Variants in RGS6 observed in about 807,000 individuals in gnomAD.
RGS6 encodes regulator of G-protein signaling 6.
RGS6 carries 30 observed loss-of-function variants against 78.5 expected under a neutral mutation model. The ratio of observed to expected loss-of-function variants is 0.38; its 90% CI spans 0.29 to 0.52. The LOEUF (loss-of-function observed/expected upper bound fraction) is 0.52, where lower values mean the gene tolerates loss of function less well. Ranked by LOEUF, RGS6 falls within the 20% of genes least tolerant of loss-of-function variation. The pLI, the probability that RGS6 is intolerant of heterozygous loss-of-function variation, is 0.85. For missense variants in RGS6, 495 were observed against 609.7 expected (o/e 0.81, Z 1.98); for synonymous variants, 206 against 206.0 (o/e 1.00, Z 0.00).
At chr14:72,561,520 G>A (rs554617049) in intron 17 of RGS6, among the ~76,000 whole-genome samples, 5 of 152,208 alleles carry the variant, frequency 3.3e-5, no homozygotes, top group African/African-American at 9.6e-5. Flanking sequence ...TAAGCAAAGC[G>A]ACGGAGCCTC....
At chr14:72,272,024 C>A (rs2060027235) in intron 2 of RGS6, among the ~76,000 whole-genome samples, 1 of 151,986 alleles carries the variant, frequency 6.6e-6, no homozygotes, top group South Asian at 2.1e-4. Context: ...TAAGAACAGC[C>A]AATTGACAAC....
intron 3 of RGS6, among the ~76,000 whole-genome samples, chr14:72,451,237 T>G (rs2095485768): frequency 6.6e-6 from 1 of 152,152 alleles, no homozygotes; most frequent in African/African-American, 2.4e-5. Flanking sequence ...AGTCTCCAGA[T>G]GAGACAGCAG....
rs1311209064 is a variant in RGS6, at chr14:72,472,863, C to T, written c.537-9C>T. The T allele has an allele frequency of 1.9e-6, 3 of 1,595,610 alleles. No individual in the cohort carries two copies. The highest frequency in any genetic ancestry group is 2.6e-6 in the Non-Finnish European group (3 of 1,167,430). On this transcript the variant is annotated splice_polypyrimidine_tract_variant and intron_variant, in intron 8 of 17. Coordinates refer to ENST00000553525, the MANE Select transcript of RGS6 (RefSeq NM_001204424.2). ...GCTTCTTATTTCCTTCCTCTCTTTA[C>T]TCTTTCAGGATTGACCGGAAAAAAG...
intron 10 of RGS6, among the ~76,000 whole-genome samples, 171 bp downstream of exon 10, chr14:72,474,870 G>C (rs1375909115): frequency 6.6e-6 from 1 of 152,212 alleles, no homozygotes; most frequent in Non-Finnish European, 1.5e-5. Context: ...CGCTGTGCTC[G>C]TGCTAGGATA....
At chr14:72,248,449 A>G (rs922064814) in intron 2 of RGS6, among the ~76,000 whole-genome samples, 3 of 152,226 alleles carry the variant, frequency 2.0e-5, no homozygotes, top group Non-Finnish European at 4.4e-5. Context: ...ATTCATAAAC[A>G]CATATTTTTT....
intron 17 of RGS6, among the ~76,000 whole-genome samples, chr14:72,556,417 C>G (rs1425286381): frequency 6.6e-6 from 1 of 152,156 alleles, no homozygotes; most frequent in Non-Finnish European, 1.5e-5. Flanking sequence ...CCACTAGTTC[C>G]CGCTCTCAAC....
Position 72,390,632 on chromosome 14 carries a change from G to GAAATGTTTAGAGGAA in RGS6, c.184+38451_184+38452insAAAAATGTTTAGAGG, listed in dbSNP as rs2089714946. 1.3e-5 allele frequency among the ~76,000 whole-genome samples: 2 copies of GAAATGTTTAGAGGAA among 152,126 alleles called. 1 individual carries two copies. The highest frequency in any genetic ancestry group is 4.2e-4 in the South Asian group (2 of 4,816). ...TCCTCAGATTAAAATATTTATGTGG[G>GAAATGTTTAGAGGAA]AAATGTTTAGAGGTAAAATGTTTAG... On this transcript the variant is annotated intron_variant, in intron 3 of 17. Coordinates refer to ENST00000553525, the MANE Select transcript of RGS6 (RefSeq NM_001204424.2).
intron 2 of RGS6, among the ~76,000 whole-genome samples, chr14:72,059,788 A>G (rs2093801475): frequency 6.6e-6 from 1 of 152,158 alleles, no homozygotes. Context: ...AGAAAAGGTC[A>G]TGTAAGGACT....
At chr14:72,028,396 T>G (rs1479041563) in intron 2 of RGS6, among the ~76,000 whole-genome samples, 1 of 152,216 alleles carries the variant, frequency 6.6e-6, no homozygotes, top group Non-Finnish European at 1.5e-5. Flanking sequence ...CTCAAGGTAT[T>G]CTTTCATCCT....
chr14:72,499,657 T>C (rs1004946518), intron 13 of RGS6, among the ~76,000 whole-genome samples: 1 of 152,128 alleles, frequency 6.6e-6, no homozygotes, highest in Non-Finnish European at 1.5e-5. Context: ...TTTTTGGGGT[T>C]TTTTTGTTGT....
intron 12 of RGS6, among the ~76,000 whole-genome samples, chr14:72,490,152 A>G (rs985243292): frequency 6.6e-6 from 1 of 152,134 alleles, no homozygotes; most frequent in Non-Finnish European, 1.5e-5. Context: ...GTGAGAGGTA[A>G]TTGAATCATG....
At chr14:71,893,001 T>C in the RGS6 span, among the ~76,000 whole-genome samples, 1 of 152,274 alleles carries the variant, frequency 6.6e-6, no homozygotes, top group Non-Finnish European at 1.5e-5. Context: ...TCTGTTTTAG[T>C]CTCTGTAATT....
chr14:72,626,023 C>G, the RGS6 span, among the ~76,000 whole-genome samples: 1 of 152,326 alleles, frequency 6.6e-6, no homozygotes, highest in South Asian at 2.1e-4. Context: ...AGTCAAAATA[C>G]TGTTTTCCAA....
At position 72,562,989 on chromosome 14, in the gene RGS6, C is replaced by G. The variant is rs561258128; in HGVS notation, c.*522C>G. 1 of 583,268 alleles carries G rather than the reference C, an allele frequency of 1.7e-6. No homozygotes were observed. The highest frequency in any genetic ancestry group is 3.1e-6 in the Non-Finnish European group (1 of 325,300). The allele number at this position is 583,268 out of a possible 1,614,324, so 36.1% of individuals were successfully genotyped here. ...CATCCCTCACGTCTCTGTGGCCACC[C>G]GGGTGTCACTGCCAGCACCAGGCAC... On this transcript the variant is annotated 3_prime_UTR_variant, in exon 18 of 18. Coordinates refer to ENST00000553525, the MANE Select transcript of RGS6 (RefSeq NM_001204424.2).
chr14:72,143,750 G>T lies in RGS6; in HGVS notation c.84+178875G>T, dbSNP rs190393521. On this transcript the variant is annotated intron_variant, in intron 2 of 17. Coordinates refer to ENST00000553525, the MANE Select transcript of RGS6 (RefSeq NM_001204424.2). ...ATATCCAACATTTTCAAACATTTTA[G>T]TCTTAAATTCTACCTTTAGAGTATT... 1.7e-3 allele frequency among the ~76,000 whole-genome samples: 255 copies of T among 152,230 alleles called. 1 individual carries two copies. Among genetic ancestry groups the T allele is most frequent in the Non-Finnish European group, 2.5e-3 (171 of 68,016 alleles).
intron 2 of RGS6, among the ~76,000 whole-genome samples, chr14:72,325,456 A>G (rs2152540995): frequency 6.6e-6 from 1 of 151,730 alleles, no homozygotes; most frequent in Non-Finnish European, 1.5e-5. Context: ...GGTATTGCCT[A>G]GGTTTTCTTC....
At chr14:72,285,917 C>T (rs1161467693) in intron 2 of RGS6, among the ~76,000 whole-genome samples, 2 of 152,136 alleles carry the variant, frequency 1.3e-5, no homozygotes, top group Admixed American at 1.3e-4. Context: ...GTATTAAACC[C>T]TTGTCAGATA....
At chr14:72,271,901 C>T (rs562250418) in intron 2 of RGS6, among the ~76,000 whole-genome samples, 2 of 151,404 alleles carry the variant, frequency 1.3e-5, no homozygotes, top group South Asian at 4.2e-4. Flanking sequence ...GTAGTTGAGT[C>T]CTCCTTAACA....
At chr14:72,245,445 A>G (rs1349450051) in intron 2 of RGS6, among the ~76,000 whole-genome samples, 3 of 152,262 alleles carry the variant, frequency 2.0e-5, no homozygotes, top group Admixed American at 1.3e-4. Context: ...AAATTAACTG[A>G]AAGTATCCCT....
Sources: gnomAD v4.1 joint callset for allele counts (sites outside exome capture counted in the v4.1 genomes callset) on GRCh38, gnomAD v4.1.1 for gene constraint, MANE v1.5 for transcripts, NCBI Gene and HGNC (gene_info 2026-07-23, HGNC 2026-07-21) for gene names.